The following MLIP variants were observed in gnomAD, a reference collection of about 807,000 sequenced individuals.
MLIP encodes the protein muscular LMNA-interacting protein.
Under a neutral mutation model 84.8 loss-of-function variants are expected in MLIP, and 79 were observed. The ratio of observed to expected loss-of-function variants is 0.93; its 90% CI spans 0.78 to 1.12. MLIP has a LOEUF of 1.12. MLIP is among the 50% of genes most tolerant of loss of function. The pLI is 0.00. For synonymous variants in MLIP, 504 were observed against 463.0 expected (o/e 1.09, Z -1.14); for missense variants, 1,257 against 1,160.6 (o/e 1.08, Z -1.21).
chr6:54,137,178 C>T lies in MLIP; in HGVS notation c.1109C>T (p.Thr370Met), dbSNP rs1771878857. The change falls in exon 4 of 14, where the codon ACG becomes ATG. Residue 370 changes from threonine to methionine, a missense_variant. Physicochemically the swap from Thr to Met is moderately conservative, Grantham distance 81. Coordinates refer to ENST00000502396, the MANE Select transcript of MLIP (RefSeq NM_001281747.2). Reference sequence around the variant, plus strand: ...TCGTACATACCAGTCCGCATTGTCACGCATTCACTCTCTCCGAGCCCCAAA... The same window carrying T: ...TCGTACATACCAGTCCGCATTGTCATGCATTCACTCTCTCCGAGCCCCAAA... Reference protein sequence around the residue: ...SASYIPVRIVTHSLSPSPKPF... With the variant: ...SASYIPVRIVMHSLSPSPKPF... The T allele has an allele frequency of 6.5e-7, 1 of 1,536,100 alleles. No homozygotes were observed. The highest frequency in any genetic ancestry group is 1.7e-4 in the Middle Eastern group (1 of 5,990).
intron 1 of MLIP, among the ~76,000 whole-genome samples, chr6:54,119,819 ATCT>A (rs1770276960): frequency 1.3e-5 from 2 of 152,186 alleles, no homozygotes; most frequent in Admixed American, 6.5e-5. Context: ...ATACAGTTTT[ATCT>A]ACAACAAAAG....
At chr6:54,155,048 T>C (rs1005586034) in intron 5 of MLIP, among the ~76,000 whole-genome samples, 1 of 152,146 alleles carries the variant, frequency 6.6e-6, no homozygotes, top group African/African-American at 2.4e-5. Flanking sequence ...ACATTTAACT[T>C]TCCAAAGCTC....
chr6:54,259,640 A>G (rs1582655741), intron 13 of MLIP, among the ~76,000 whole-genome samples: 1 of 151,936 alleles, frequency 6.6e-6, no homozygotes, highest in East Asian at 1.9e-4. Flanking sequence ...AGATTGCCAT[A>G]AAATGATTTT....
intron 8 of MLIP, among the ~76,000 whole-genome samples, chr6:54,168,741 A>C (rs1004197920): frequency 2.1e-4 from 32 of 151,824 alleles, no homozygotes; most frequent in Non-Finnish European, 5.9e-5. Flanking sequence ...GATAATTGTT[A>C]ATTTAAAATA....
intron 9 of MLIP, among the ~76,000 whole-genome samples, chr6:54,184,010 CAG>C (rs72108755): frequency 0.031 from 4,699 of 152,134 alleles, 208 homozygotes; most frequent in African/African-American, 0.11. Flanking sequence ...AAGAGTAAGA[CAG>C]AGTCTTTATC....
At chr6:54,085,966 G>A (rs1427884384) in intron 1 of MLIP, among the ~76,000 whole-genome samples, 1 of 152,156 alleles carries the variant, frequency 6.6e-6, no homozygotes, top group Non-Finnish European at 1.5e-5. Flanking sequence ...TTCTTAGGCT[G>A]CATTCCAGGC....
chr6:54,083,725 A>C, intron 1 of MLIP: 1 of 1,289,388 alleles, frequency 7.8e-7, no homozygotes, highest in Non-Finnish European at 1.1e-6. Context: ...TTCGTATTGC[A>C]GTAGTTATGT....
At chr6:54,100,845 A>G (rs755529882) in intron 1 of MLIP, among the ~76,000 whole-genome samples, 62 of 152,136 alleles carry the variant, frequency 4.1e-4, no homozygotes, top group Non-Finnish European at 6.8e-4. Context: ...CCAGACTGTG[A>G]AAACACATTG....
At chr6:54,179,200 A>G (rs1427691909) in intron 9 of MLIP, among the ~76,000 whole-genome samples, 2 of 152,140 alleles carry the variant, frequency 1.3e-5, no homozygotes, top group Non-Finnish European at 2.9e-5. Flanking sequence ...ATTGTGTCTG[A>G]TCTAAGTATA....
intron 10 of MLIP, among the ~76,000 whole-genome samples, chr6:54,198,611 A>G (rs1582475832): frequency 6.6e-6 from 1 of 152,162 alleles, no homozygotes; most frequent in Non-Finnish European, 1.5e-5. Flanking sequence ...GTGTGTCATT[A>G]CCCATTATTA....
chr6:54,261,334 C>T (rs1783375913), intron 13 of MLIP, among the ~76,000 whole-genome samples: 1 of 151,982 alleles, frequency 6.6e-6, no homozygotes, highest in African/African-American at 2.4e-5. Flanking sequence ...AGCCCTATGA[C>T]TACTGCATTT....
At chr6:54,213,423 C>A in intron 11 of MLIP, among the ~76,000 whole-genome samples, 1 of 151,988 alleles carries the variant, frequency 6.6e-6, no homozygotes, top group East Asian at 1.9e-4. Flanking sequence ...TATCTCAGGC[C>A]AGGCTTGGTG....
At chr6:54,093,851 G>A (rs939176300) in intron 1 of MLIP, among the ~76,000 whole-genome samples, 1 of 152,198 alleles carries the variant, frequency 6.6e-6, no homozygotes, top group African/African-American at 2.4e-5. Flanking sequence ...GAGCTGAAGA[G>A]CTGTGACAAA....
chr6:54,080,215 G>A (rs773488249), intron 1 of MLIP, among the ~76,000 whole-genome samples: 7 of 152,012 alleles, frequency 4.6e-5, no homozygotes, highest in African/African-American at 1.7e-4. Flanking sequence ...CTCTGGACTC[G>A]AAACCTGCAA....
At chr6:54,063,144 A>G (rs1373105369) in intron 1 of MLIP, 1 of 151,840 alleles carries the variant, frequency 6.6e-6, no homozygotes, top group Non-Finnish European at 1.5e-5. Context: ...AGGTGGTTGC[A>G]TGAGCCAAGG....
intron 3 of MLIP, among the ~76,000 whole-genome samples, chr6:54,133,290 A>G (rs923286201): frequency 2.0e-5 from 3 of 152,198 alleles, no homozygotes; most frequent in Non-Finnish European, 4.4e-5. Context: ...AGAAAAGATT[A>G]TTTAATGTGT....
chr6:54,050,436 A>G (rs553815988), intron 1 of MLIP, among the ~76,000 whole-genome samples: 103 of 152,076 alleles, frequency 6.8e-4, no homozygotes, highest in African/African-American at 2.5e-3. Flanking sequence ...AGTGTTTAGT[A>G]CTCTTTTTTG....
chr6:54,200,995 G>T (rs1296981282), intron 10 of MLIP, among the ~76,000 whole-genome samples: 1 of 152,210 alleles, frequency 6.6e-6, no homozygotes, highest in Non-Finnish European at 1.5e-5. Flanking sequence ...AGGAAATGGG[G>T]TTGAGAAGAA....
chr6:54,216,760 T>C, intron 11 of MLIP: 1 of 985,388 alleles, frequency 1.0e-6, no homozygotes. Context: ...TCTCCAAAAT[T>C]TGGGTTTCTA....
Sources: allele counts gnomAD v4.1 joint callset (sites outside exome capture counted in the v4.1 genomes callset), GRCh38; gene constraint gnomAD v4.1.1; transcripts MANE v1.5; gene names NCBI Gene and HGNC (gene_info 2026-07-23, HGNC 2026-07-21).